SEC14L2: variants seen among roughly 807,000 people sequenced by gnomAD.
SEC14L2 encodes the protein SEC14 like lipid binding 2, also known as SEC14-like protein 2.
Under a neutral mutation model 56.9 loss-of-function variants are expected in SEC14L2, and 50 were observed. The ratio of observed to expected loss-of-function variants is 0.88; its 90% CI spans 0.70 to 1.11. The LOEUF is 1.11. SEC14L2 is among the 50% of genes most tolerant of loss of function. SEC14L2 has a pLI of 0.00. For missense variants in SEC14L2, 414 were observed against 500.7 expected (o/e 0.83, Z 1.65); for synonymous variants, 179 against 188.5 (o/e 0.95, Z 0.41).
At chr22:30,405,738 G>T (rs185386842) in intron 2 of SEC14L2, among the ~76,000 whole-genome samples, 1 of 152,060 alleles carries the variant, frequency 6.6e-6, no homozygotes, top group Non-Finnish European at 1.5e-5. Context: ...GTATAGTAGC[G>T]AGATCTCAGC....
At chr22:30,399,302 G>A (rs1024199987) in intron 1 of SEC14L2, among the ~76,000 whole-genome samples, 1 of 151,994 alleles carries the variant, frequency 6.6e-6, no homozygotes. Flanking sequence ...TCAGGACGAG[G>A]TCAGGAGATC....
intron 2 of SEC14L2, among the ~76,000 whole-genome samples, chr22:30,400,752 G>A (rs1191419282): frequency 2.0e-5 from 3 of 151,732 alleles, no homozygotes; most frequent in African/African-American, 4.8e-5. Flanking sequence ...AAAATTAGCC[G>A]GGCATGGTGG....
rs559024773 is a variant in SEC14L2, at chr22:30,409,666, G to A, written c.580+180G>A. On this transcript the variant is annotated intron_variant, in intron 7 of 11. Transcript: ENST00000615189. ...TAACCCCAGCACTTTGGGAGGCCGA[G>A]GCAGGAGGCTCTCTTGAGCCCAGGA... Among the ~76,000 whole-genome samples the A allele has an allele frequency of 5.9e-5, 9 of 152,282 alleles. No homozygotes were observed. The South Asian group carries it at 6.2e-4, about 11-fold the overall frequency.
chr22:30,399,654 T>G lies in SEC14L2; in HGVS notation c.66T>G (p.Asn22Lys), dbSNP rs758181619. 6.2e-7 allele frequency: 1 copy of G among 1,613,408 alleles called. No homozygotes were observed. The highest frequency in any genetic ancestry group is 1.3e-5 in the African/African-American group (1 of 74,822). ...QKEALAKFRE[N>K]VQDVLPALPN... ...GCCTCTCCCTACAGTTTCGGGAGAA[T>G]GTCCAGGATGTGCTGCCGGCCCTGC... The change falls in exon 2 of 12, where the codon AAT becomes AAG. Residue 22 changes from asparagine to lysine, a missense_variant. Physicochemically the swap from Asn to Lys is moderately conservative, Grantham distance 94 (BLOSUM62 0). Transcript: ENST00000615189.
At chr22:30,416,454 G>C (rs780257427) in intron 11 of SEC14L2, 51 bp downstream of exon 11, 1 of 1,614,026 alleles carries the variant, frequency 6.2e-7, no homozygotes, top group Non-Finnish European at 8.5e-7. Flanking sequence ...CCAGCTTTCT[G>C]CCTGTGAGGT....
At chr22:30,404,009 C>CAAAAAAAAAAAAAAAAAAAAAAAA (rs67366822) in intron 2 of SEC14L2, among the ~76,000 whole-genome samples, 4 of 93,220 alleles carry the variant, frequency 4.3e-5, no homozygotes, top group Non-Finnish European at 4.3e-5. Context: ...GACTCCGTCT[C>CAAAAAAAAAAAAAAAAAAAAAAAA]AAAAAAAAAA....
At position 30,409,289 on chromosome 22, in the gene SEC14L2, G is replaced by A. The variant is rs534629744; in HGVS notation, c.519+7G>A. 1.8e-5 allele frequency: 29 copies of A among 1,612,822 alleles called. No individual in the cohort carries two copies. The South Asian group carries it at 2.7e-4, about 15-fold the overall frequency. On this transcript the variant is annotated splice_region_variant and intron_variant, in intron 6 of 11. Coordinates refer to ENST00000615189, the MANE Select transcript of SEC14L2 (RefSeq NM_012429.5). ...TGTGGAGGCCTATGGAGAGGTGAGG[G>A]GCAGGGGTGGGGAGGAAGGGGACAG...
In SEC14L2 at chr22:30,425,227, G is replaced by C. The variant is rs939483477; in HGVS notation, c.*2820G>C. On this transcript the variant is annotated 3_prime_UTR_variant, in exon 12 of 12. Coordinates refer to ENST00000615189, the MANE Select transcript of SEC14L2 (RefSeq NM_012429.5). Reference sequence around the variant, plus strand: ...CTCCCAGGCTGGTGGGAGGGTTTCAGGTGTAAGACATGGAGAGTCCTTTAG... The same window carrying C: ...CTCCCAGGCTGGTGGGAGGGTTTCACGTGTAAGACATGGAGAGTCCTTTAG... 2 of 202,598 alleles carry C rather than the reference G, an allele frequency of 9.9e-6. No individual in the cohort carries two copies. The highest frequency in any genetic ancestry group is 4.7e-5 in the African/African-American group (2 of 42,782). The allele number at this position is 202,598 out of a possible 1,614,324, so 12.6% of individuals were successfully genotyped here.
At chr22:30,409,101 G>A in intron 5 of SEC14L2, 86 bp from the exon 6 acceptor site, 3 of 1,143,500 alleles carry the variant, frequency 2.6e-6, no homozygotes, top group Non-Finnish European at 4.0e-6. Flanking sequence ...CTCTCTGGAT[G>A]CACAGTGCAA....
rs559044539 is a variant in SEC14L2, at chr22:30,416,644, A to G, written c.1081+241A>G. The G allele has an allele frequency of 2.1e-6, 3 of 1,437,340 alleles. No individual in the cohort carries two copies. The South Asian group carries it at 4.5e-5, about 21-fold the overall frequency. The allele number at this position is 1,437,340 out of a possible 1,614,324, so 89.0% of individuals were successfully genotyped here. A position where few individuals can be genotyped will look rare whatever the true frequency, so the allele number is the denominator to read the frequency against. The stretch of plus-strand genomic sequence containing the variant: ...ATACTCCTAGGTATGGGTGAGTCAC[A>G]GTCCTAGGCGATCACAGGGGTTCAA... On this transcript the variant is annotated intron_variant, in intron 11 of 11. Transcript: ENST00000615189.
chr22:30,425,104 G>A lies in SEC14L2; in HGVS notation c.*2697G>A, dbSNP rs533198908. On this transcript the variant is annotated 3_prime_UTR_variant, in exon 12 of 12. Coordinates refer to ENST00000615189, the MANE Select transcript of SEC14L2 (RefSeq NM_012429.5). Reference sequence around the variant, plus strand: ...AGAGCACGGGATCTGGATCCACACTGTTTGGATTCAAATCACAACTTCACC... The same window carrying A: ...AGAGCACGGGATCTGGATCCACACTATTTGGATTCAAATCACAACTTCACC... The A allele has an allele frequency of 6.7e-5, 16 of 237,544 alleles. No homozygotes were observed. The highest frequency in any genetic ancestry group is 1.3e-4 in the Non-Finnish European group (15 of 115,938). 14.7% of individuals were successfully genotyped at this position (237,544 alleles called of 1,614,324 possible). A position where few individuals can be genotyped will look rare whatever the true frequency, so the allele number is the denominator to read the frequency against.
intron 6 of SEC14L2, 22 bp from the exon 7 acceptor site, chr22:30,409,404 A>C (rs1249420828): frequency 6.2e-7 from 1 of 1,613,782 alleles, no homozygotes; most frequent in Non-Finnish European, 8.5e-7. Flanking sequence ...TGCTGGAATC[A>C]AGAGTGATTT....
intron 8 of SEC14L2, among the ~76,000 whole-genome samples, chr22:30,414,908 T>C (rs1934346756): frequency 6.6e-6 from 1 of 152,158 alleles, no homozygotes; most frequent in African/African-American, 2.4e-5. Flanking sequence ...AAGTCACGAC[T>C]TAGCTGTAGG....
Position 30,415,667 on chromosome 22 carries a change from T to C in SEC14L2, c.665-92T>C, listed in dbSNP as rs1934367445. On this transcript the variant is annotated intron_variant, in intron 8 of 11. Transcript: ENST00000615189. The stretch of plus-strand genomic sequence containing the variant: ...GTTGTGGGGTGCAATGGATGGGTTT[T>C]TTCTGCCTCTTTAGTGTAGACCACT... 1.3e-5 allele frequency: 15 copies of C among 1,125,358 alleles called. 1 individual carries two copies. The highest frequency in any genetic ancestry group is 1.8e-5 in the Non-Finnish European group (14 of 769,012). The allele number at this position is 1,125,358 out of a possible 1,614,324, so 69.7% of individuals were successfully genotyped here. A position where few individuals can be genotyped will look rare whatever the true frequency, so the allele number is the denominator to read the frequency against.
chr22:30,402,451 G>A (rs765853997), intron 2 of SEC14L2, among the ~76,000 whole-genome samples: 3 of 152,094 alleles, frequency 2.0e-5, no homozygotes, highest in African/African-American at 4.8e-5. Flanking sequence ...TCACAGTGGC[G>A]GTCATTCAAA....
chr22:30,402,415 T>C (rs2146009874), intron 2 of SEC14L2, among the ~76,000 whole-genome samples: 2 of 152,236 alleles, frequency 1.3e-5, no homozygotes, highest in Middle Eastern at 6.8e-3. Flanking sequence ...CTGGGGAGCC[T>C]CATACTTCAG....
Position 30,422,687 on chromosome 22 carries a change from G to A in SEC14L2, c.*280G>A, listed in dbSNP as rs549981855. On this transcript the variant is annotated 3_prime_UTR_variant, in exon 12 of 12. Coordinates refer to ENST00000615189, the MANE Select transcript of SEC14L2 (RefSeq NM_012429.5). ...CACCTGTCCAGGGACAGCGAAGCTG[G>A]GGGTGGCGGGGGGCATGTACCACAG... 3.2e-5 allele frequency: 10 copies of A among 309,548 alleles called. No homozygotes were observed. The highest frequency in any genetic ancestry group is 4.8e-5 in the Admixed American group (1 of 20,936). 19.2% of individuals were successfully genotyped at this position (309,548 alleles called of 1,614,324 possible). A position where few individuals can be genotyped will look rare whatever the true frequency, so the allele number is the denominator to read the frequency against.
intron 1 of SEC14L2, chr22:30,397,480 G>C (rs1933787587): frequency 2.5e-6 from 1 of 403,492 alleles, no homozygotes; most frequent in Admixed American, 4.4e-5. Flanking sequence ...ATTCATCCTC[G>C]GGACTGGCAG....
At position 30,422,631 on chromosome 22, in the gene SEC14L2, GA is replaced by G. The variant is rs1480203865; in HGVS notation, c.*225del. ...AGGAGCTGGCTGGCCATCGTGATAG[GA>G]TCTGTCTGTCCTGTAAACTGTGCCA... On this transcript the variant is annotated 3_prime_UTR_variant, in exon 12 of 12. Transcript: ENST00000615189. 1 of 527,902 alleles carries G rather than the reference GA, an allele frequency of 1.9e-6. No homozygotes were observed. Among genetic ancestry groups the G allele is most frequent in the African/African-American group, 1.9e-5 (1 of 52,326 alleles). The allele number at this position is 527,902 out of a possible 1,614,324, so 32.7% of individuals were successfully genotyped here.
Sources: allele counts gnomAD v4.1 joint callset (sites outside exome capture counted in the v4.1 genomes callset), GRCh38; gene constraint gnomAD v4.1.1; transcripts MANE v1.5; gene names NCBI Gene and HGNC (gene_info 2026-07-23, HGNC 2026-07-21).